CENPU: variants seen among roughly 807,000 people sequenced by gnomAD.
CENPU encodes the protein KSHV latent nuclear antigen interacting protein 1.
Under a neutral mutation model 56.7 loss-of-function variants are expected in CENPU, and 46 were observed. The observed-to-expected ratio is 0.81, with a 90% confidence interval of 0.64 to 1.04. The LOEUF is 1.04. CENPU is among the 50% of genes least tolerant of loss of function. CENPU has a pLI of 0.00. For synonymous variants in CENPU, 166 were observed against 163.0 expected, an observed-to-expected ratio of 1.02 and a Z score of -0.14; for missense variants, 510 against 490.1, an observed-to-expected ratio of 1.04 and a Z score of -0.38.
rs749555126 is a variant in CENPU at position 184,694,753 on chromosome 4, C to G, written c.*535G>C. ...TGAAGTGGATGAAATTCCTGATGAA[C>G]TAATTATAGAAGTATTACAAGAGTA... On this transcript the variant is annotated 3_prime_UTR_variant, in exon 13 of 13. Coordinates refer to ENST00000281453, the MANE Select transcript of CENPU (RefSeq NM_024629.4). 13 of 1,611,912 alleles carry G rather than the reference C, an allele frequency of 8.1e-6. No individual in the cohort carries two copies. In the South Asian group the frequency reaches 1.4e-4, roughly 18 times the overall value.
At position 184,725,082 on chromosome 4, in the gene CENPU, A is replaced by C. The variant is rs760325015; in HGVS notation, c.215-20T>G. The C allele has an allele frequency of 3.2e-5, 48 of 1,511,130 alleles. No individual in the cohort carries two copies. The highest frequency in any genetic ancestry group is 3.5e-4 in the Middle Eastern group (2 of 5,672). 93.6% of individuals were successfully genotyped at this position (1,511,130 alleles called of 1,614,324 possible). A position where few individuals can be genotyped will look rare whatever the true frequency, so the allele number is the denominator to read the frequency against. ...GAGGATCTTTCAAAAGACAAAAAAG[A>C]AGCACAACTTTAAAAGTCTGGCTAT... On this transcript the variant is annotated intron_variant, in intron 3 of 12. Transcript: ENST00000281453.
chr4:184,731,070 AC>A (rs11362720), intron 1 of CENPU, 102 bp from the exon 2 acceptor site: 432,174 of 715,562 alleles, frequency 0.6, 92,639 homozygotes, highest in Admixed American at 0.72. Flanking sequence ...AAAAAAAAAA[AC>A]AAGAACCCAT....
intron 8 of CENPU, among the ~76,000 whole-genome samples, chr4:184,706,632 T>TGCTA (rs1282170857): frequency 2.6e-5 from 4 of 152,200 alleles, no homozygotes; most frequent in African/African-American, 9.7e-5. Context: ...CAGGTGTGAG[T>TGCTA]GCTAGGTACA....
intron 2 of CENPU, among the ~76,000 whole-genome samples, chr4:184,730,552 A>G (rs557206531): frequency 1.6e-5 from 2 of 128,238 alleles, no homozygotes; most frequent in East Asian, 3.9e-4. Flanking sequence ...CTAAGACTCT[A>G]AAGAAAAGTA....
chr4:184,702,293 GACA>G (rs1579759516), intron 9 of CENPU, 67 bp downstream of exon 9: 6 of 1,453,442 alleles, frequency 4.1e-6, no homozygotes, highest in Non-Finnish European at 4.8e-6. Context: ...GCTTTTCTAA[GACA>G]ACAATATGCT....
At chr4:184,715,516 T>C (rs1761060256) in intron 6 of CENPU, among the ~76,000 whole-genome samples, 4 of 152,202 alleles carry the variant, frequency 2.6e-5, no homozygotes, top group African/African-American at 9.7e-5. Flanking sequence ...TTTTGCCATG[T>C]TGGCCAGGCT....
intron 11 of CENPU, chr4:184,699,542 G>A (rs1394847800): frequency 1.3e-5 from 17 of 1,287,384 alleles, no homozygotes; most frequent in Non-Finnish European, 1.7e-5. Context: ...TTTACCTTTA[G>A]TTTTCTTATT....
At chr4:184,719,062 T>C (rs1401359) in intron 4 of CENPU, among the ~76,000 whole-genome samples, 26,759 of 151,492 alleles carry the variant, frequency 0.18, 2,625 homozygotes, top group African/African-American at 0.26. Flanking sequence ...CACCTACACA[T>C]AAAGAAAAAA....
In CENPU at chr4:184,700,900, T is replaced by G; in HGVS notation, c.925-19A>C. 6.3e-7 allele frequency: 1 copy of G among 1,594,864 alleles called. No individual in the cohort carries two copies. The highest frequency in any genetic ancestry group is 8.6e-7 in the Non-Finnish European group (1 of 1,162,248). ...AAATCATCTAAGTAACACAATCATT[T>G]GTGTTAAAATTAATTTGTAACTGTT... On this transcript the variant is annotated intron_variant, in intron 10 of 12. Coordinates refer to ENST00000281453, the MANE Select transcript of CENPU (RefSeq NM_024629.4).
chr4:184,723,281 T>A (rs768997254), intron 4 of CENPU, among the ~76,000 whole-genome samples: 4 of 152,166 alleles, frequency 2.6e-5, no homozygotes, highest in Non-Finnish European at 4.4e-5. Context: ...AGGGTTAAAA[T>A]GTGTATTCAT....
intron 8 of CENPU, among the ~76,000 whole-genome samples, chr4:184,707,303 A>G (rs4519838): frequency 0.18 from 26,362 of 148,708 alleles, 3,007 homozygotes; most frequent in African/African-American, 0.27. Flanking sequence ...AGAGAGCTGC[A>G]GGAAACTGAC....
chr4:184,694,542 T>C lies in CENPU; in HGVS notation c.*746A>G. On this transcript the variant is annotated 3_prime_UTR_variant, in exon 13 of 13. Coordinates refer to ENST00000281453, the MANE Select transcript of CENPU (RefSeq NM_024629.4). ...TAAAGGAAGAAGAGTTTACAACAGA[T>C]GAAGCAGATGAAACTAGGAGCAATG... 2 of 1,581,948 alleles carry C rather than the reference T, an allele frequency of 1.3e-6. No individual in the cohort carries two copies. Among genetic ancestry groups the C allele is most frequent in the East Asian group, 4.5e-5 (2 of 44,864 alleles).
chr4:184,710,999 G>A (rs551713619), intron 7 of CENPU, among the ~76,000 whole-genome samples: 2 of 152,264 alleles, frequency 1.3e-5, no homozygotes, highest in African/African-American at 4.8e-5. Context: ...GGGACTACAA[G>A]TGTACGCCAC....
intron 8 of CENPU, among the ~76,000 whole-genome samples, chr4:184,709,690 A>G (rs555764953): frequency 6.6e-6 from 1 of 152,232 alleles, no homozygotes; most frequent in East Asian, 1.9e-4. Flanking sequence ...AGAAGTACCA[A>G]GAAAAACTGA....
In CENPU at chr4:184,695,042, T is replaced by C; in HGVS notation, c.*246A>G. The C allele has an allele frequency of 1.9e-6, 1 of 533,354 alleles. No individual in the cohort carries two copies. Among genetic ancestry groups the C allele is most frequent in the Non-Finnish European group, 3.3e-6 (1 of 300,352 alleles). 33.0% of individuals were successfully genotyped at this position (533,354 alleles called of 1,614,324 possible). A position where few individuals can be genotyped will look rare whatever the true frequency, so the allele number is the denominator to read the frequency against. On this transcript the variant is annotated 3_prime_UTR_variant, in exon 13 of 13. Transcript: ENST00000281453. ...TATTATAGCTCATACCTGGGACCGA[T>C]TAAGGTGTCAACATTTTAAAATTAC...
At chr4:184,722,631 T>C (rs938538427) in intron 4 of CENPU, among the ~76,000 whole-genome samples, 1 of 151,160 alleles carries the variant, frequency 6.6e-6, no homozygotes, top group Non-Finnish European at 1.5e-5. Context: ...GAACATTTTC[T>C]ATGTTGAAAA....
At chr4:184,697,028 ACAC>A (rs1347467911) in intron 12 of CENPU, among the ~76,000 whole-genome samples, 1 of 151,774 alleles carries the variant, frequency 6.6e-6, no homozygotes, top group Non-Finnish European at 1.5e-5. Flanking sequence ...CTACAGGCAT[ACAC>A]CACCACACCT....
At chr4:184,723,637 A>C (rs904706386) in intron 4 of CENPU, among the ~76,000 whole-genome samples, 14 of 151,772 alleles carry the variant, frequency 9.2e-5, no homozygotes, top group Non-Finnish European at 1.5e-4. Context: ...AGCTCAAGAG[A>C]TCAAGACCAT....
At position 184,707,556 on chromosome 4, in the gene CENPU, G is replaced by C. The variant is rs116074199; in HGVS notation, c.797+2516C>G. On this transcript the variant is annotated intron_variant, in intron 8 of 12. Transcript: ENST00000281453. The stretch of plus-strand genomic sequence containing the variant: ...CCAGAGTCCATCTTTTCTTCCTGCT[G>C]CTCCTCTCTGGAGGGCGAGGAGTGA... 3.9e-3 allele frequency among the ~76,000 whole-genome samples: 591 copies of C among 152,312 alleles called. 5 individuals are homozygous for C. Among genetic ancestry groups the C allele is most frequent in the African/African-American group, 0.014 (562 of 41,574 alleles).
Sources: allele counts gnomAD v4.1 joint callset (sites outside exome capture counted in the v4.1 genomes callset), GRCh38; gene constraint gnomAD v4.1.1; transcripts MANE v1.5; gene names NCBI Gene and HGNC (gene_info 2026-07-23, HGNC 2026-07-21).